The following RCN1 variants were observed in gnomAD, a reference collection of about 807,000 sequenced individuals.
The protein encoded by RCN1 is reticulocalbin-1.
Under a neutral mutation model 34.7 loss-of-function variants are expected in RCN1, and 14 were observed. The ratio of observed to expected loss-of-function variants is 0.40; its 90% CI spans 0.27 to 0.63. The LOEUF is 0.63. Among genes scored for constraint, RCN1 ranks in the 30% least tolerant of loss-of-function variants. The probability of loss-of-function intolerance (pLI) is 0.37; values close to 1 mark genes in which losing one functional copy is unlikely to be tolerated. For missense variants in RCN1, 326 were observed against 425.1 expected (o/e 0.77, Z 2.05); for synonymous variants, 125 against 165.5 (o/e 0.76, Z 1.88).
rs1202288534 is a variant in RCN1, at chr11:32,105,392, T to TC, written c.*926dup. ...AGTGAATCCACGACCCGCAGACCTG[T>TC]CCCCCCGCAACAGCTTATACCATGG... is the stretch of plus-strand genomic sequence containing the variant. On this transcript the variant is annotated 3_prime_UTR_variant, in exon 6 of 6. Coordinates refer to ENST00000054950, the MANE Select transcript of RCN1 (RefSeq NM_002901.4). 6.6e-6 allele frequency: 1 copy of TC among 152,370 alleles called. No individual in the cohort carries two copies. Among genetic ancestry groups the TC allele is most frequent in the African/African-American group, 2.4e-5 (1 of 41,278 alleles). 9.4% of individuals were successfully genotyped at this position (152,370 alleles called of 1,614,324 possible).
chr11:32,104,166 A>G (rs1852080203), intron 5 of RCN1, among the ~76,000 whole-genome samples, 199 bp from the exon 6 acceptor site: 1 of 152,180 alleles, frequency 6.6e-6, no homozygotes, highest in Non-Finnish European at 1.5e-5. Context: ...ACACGTTAGC[A>G]CGGTTTTTAT....
At chr11:32,092,755 G>C (rs1327520527) in intron 1 of RCN1, among the ~76,000 whole-genome samples, 1 of 152,152 alleles carries the variant, frequency 6.6e-6, no homozygotes, top group Non-Finnish European at 1.5e-5. Flanking sequence ...CCAGGTCTCA[G>C]ATCTCCCTGA....
intron 1 of RCN1, among the ~76,000 whole-genome samples, chr11:32,094,306 C>T (rs375570703): frequency 4.7e-4 from 72 of 152,242 alleles, no homozygotes; most frequent in African/African-American, 1.6e-3. Context: ...AGTGGGAACC[C>T]GTAGGCTGCA....
rs1851918417 is a variant in RCN1 at position 32,091,319 on chromosome 11, C to T, written c.123C>T (p.Pro41=). 5 of 1,547,686 alleles carry T rather than the reference C, an allele frequency of 3.2e-6. No individual in the cohort carries two copies. Among genetic ancestry groups the T allele is most frequent in the Non-Finnish European group, 4.4e-6 (5 of 1,146,170 alleles). The change falls in exon 1 of 6, where the codon CCC becomes CCT. Residue 41 remains proline, a synonymous_variant. Transcript: ENST00000054950. ...TGCGCAAAGAGCGCGTGGTGCGGCC[C>T]GACTCGGAGCTGGGCGAGCGGCCCC... ...PTVRKERVVR[P]DSELGERPPE...
chr11:32,091,190 C>T lies in RCN1; in HGVS notation c.-7C>T, dbSNP rs1441898190. 4.2e-6 allele frequency: 6 copies of T among 1,426,480 alleles called. No individual in the cohort carries two copies. In the South Asian group the frequency reaches 4.7e-5, roughly 11 times the overall value. 88.4% of individuals were successfully genotyped at this position (1,426,480 alleles called of 1,614,324 possible). On this transcript the variant is annotated 5_prime_UTR_variant, in exon 1 of 6. Coordinates refer to ENST00000054950, the MANE Select transcript of RCN1 (RefSeq NM_002901.4). ...GTCTCCCTCTCGGCCGCCCTCTCCT[C>T]GGGACGATGGCGCGCGGTGGCCGCG...
intron 3 of RCN1, 52 bp from the exon 4 acceptor site, chr11:32,100,496 C>A: frequency 7.0e-7 from 1 of 1,436,064 alleles, no homozygotes; most frequent in Non-Finnish European, 9.8e-7. Context: ...AATTCTCAGA[C>A]TTCTTAGAGC....
At chr11:32,094,186 G>C (rs1169715000) in intron 1 of RCN1, among the ~76,000 whole-genome samples, 1 of 152,174 alleles carries the variant, frequency 6.6e-6, no homozygotes, top group Non-Finnish European at 1.5e-5. Flanking sequence ...AGATTGGGCT[G>C]AGGAGGAATG....
At chr11:32,096,944 G>A (rs1022631084) in intron 1 of RCN1, 200 bp from the exon 2 acceptor site, 8 of 520,866 alleles carry the variant, frequency 1.5e-5, no homozygotes, top group Non-Finnish European at 2.6e-5. Flanking sequence ...ACTGGTTGGG[G>A]GAAAGCACAT....
intron 1 of RCN1, 106 bp downstream of exon 1, chr11:32,091,556 G>T: frequency 1.4e-6 from 2 of 1,430,812 alleles, no homozygotes; most frequent in Non-Finnish European, 1.9e-6. Context: ...GAAATCGCGC[G>T]CGCGGCCTCG....
chr11:32,096,471 A>C (rs901873180), intron 1 of RCN1: 8 of 152,150 alleles, frequency 5.3e-5, no homozygotes, highest in African/African-American at 1.9e-4. Flanking sequence ...CCTAGAGCGG[A>C]TCAGCTGGTC....
intron 3 of RCN1, 62 bp downstream of exon 3, chr11:32,098,590 G>T: frequency 3.0e-6 from 4 of 1,316,772 alleles, no homozygotes; most frequent in Non-Finnish European, 4.2e-6. Flanking sequence ...TCCAAATCTT[G>T]TCTCTTCCAA....
At chr11:32,095,427 A>T (rs888222299) in intron 1 of RCN1, among the ~76,000 whole-genome samples, 2 of 151,056 alleles carry the variant, frequency 1.3e-5, no homozygotes, top group African/African-American at 2.4e-5. Flanking sequence ...TTTTATTTTG[A>T]GACGGAGTCT....
intron 4 of RCN1, chr11:32,102,914 C>T: frequency 2.3e-6 from 1 of 436,928 alleles, no homozygotes; most frequent in Non-Finnish European, 4.5e-6. Flanking sequence ...TATGTAGTGC[C>T]AGTTTGGGTT....
chr11:32,100,459 T>C lies in RCN1; in HGVS notation c.628-89T>C, dbSNP rs887511565. 6 of 1,106,586 alleles carry C rather than the reference T, an allele frequency of 5.4e-6. No individual in the cohort carries two copies. In the African/African-American group the frequency reaches 9.2e-5, roughly 17 times the overall value. The allele number at this position is 1,106,586 out of a possible 1,614,324, so 68.5% of individuals were successfully genotyped here. On this transcript the variant is annotated intron_variant, in intron 3 of 5. Transcript: ENST00000054950. Reference sequence around the variant, plus strand: ...CCAGAAGTCACCAAGCATTCAGCCGTAAAAGCTGGACAAATGAGGACAATA... The same window carrying C: ...CCAGAAGTCACCAAGCATTCAGCCGCAAAAGCTGGACAAATGAGGACAATA...
At chr11:32,100,459 TA>T in intron 3 of RCN1, 88 bp from the exon 4 acceptor site, 2 of 1,106,696 alleles carry the variant, frequency 1.8e-6, no homozygotes, top group Non-Finnish European at 2.8e-6. Flanking sequence ...CATTCAGCCG[TA>T]AAAGCTGGAC....
chr11:32,096,920 TG>T (rs1451938049), intron 1 of RCN1: 1 of 481,860 alleles, frequency 2.1e-6, no homozygotes, highest in East Asian at 3.3e-5. Context: ...CCATTAGCAG[TG>T]TCTGCCATCA....
chr11:32,099,508 G>C (rs1005249063), intron 3 of RCN1, among the ~76,000 whole-genome samples: 1 of 152,304 alleles, frequency 6.6e-6, no homozygotes, highest in African/African-American at 2.4e-5. Flanking sequence ...TGGGTCTTTG[G>C]AGGGTGGGTG....
chr11:32,099,277 T>TG lies in RCN1; in HGVS notation c.627+750dup, dbSNP rs1365532446. ...CGGAGGTTGCAGTGAGCCGAGATCG[T>TG]GCCATTGCACTCCAGCCTGGGCGAC... On this transcript the variant is annotated intron_variant, in intron 3 of 5. Coordinates refer to ENST00000054950, the MANE Select transcript of RCN1 (RefSeq NM_002901.4). Among the ~76,000 whole-genome samples, 44 of 150,922 alleles carry TG rather than the reference T, an allele frequency of 2.9e-4. 1 individual carries two copies. Among genetic ancestry groups the TG allele is most frequent in the Admixed American group, 1.3e-4 (2 of 15,118 alleles).
chr11:32,097,435 G>GTGGAT, intron 2 of RCN1, 98 bp downstream of exon 2: 6 of 821,206 alleles, frequency 7.3e-6, no homozygotes, highest in Non-Finnish European at 1.1e-5. Flanking sequence ...CCTTCAGGGA[G>GTGGAT]ATGTCACAGC....
Sources: gnomAD v4.1 joint callset for allele counts (sites outside exome capture counted in the v4.1 genomes callset) on GRCh38, gnomAD v4.1.1 for gene constraint, MANE v1.5 for transcripts, NCBI Gene and HGNC (gene_info 2026-07-23, HGNC 2026-07-21) for gene names.